Variants in CLNK observed in about 807,000 individuals in gnomAD.
The protein encoded by CLNK is cytokine-dependent hematopoietic cell linker.
CLNK carries 74 observed loss-of-function variants against 68.6 expected under a neutral mutation model. The ratio of observed to expected loss-of-function variants is 1.08; its 90% confidence interval spans 0.89 to 1.31. The LOEUF (loss-of-function observed/expected upper bound fraction) is 1.31, where lower values mean the gene tolerates loss of function less well. Ranked by LOEUF, CLNK falls within the 50% of genes most tolerant of loss-of-function variation. The probability of loss-of-function intolerance (pLI) is 0.00; values close to 1 mark genes in which losing one functional copy is unlikely to be tolerated. For synonymous variants in CLNK, 198 were observed against 172.2 expected (o/e 1.15, Z -1.17); for missense variants, 553 against 515.3 (o/e 1.07, Z -0.71).
At chr4:10,491,007 C>T (rs1232975172) in intron 18 of CLNK, among the ~76,000 whole-genome samples, 1 of 152,184 alleles carries the variant, frequency 6.6e-6, no homozygotes, top group Non-Finnish European at 1.5e-5. Flanking sequence ...TCAGGTGATC[C>T]ACCCGCCTCG....
chr4:10,560,584 C>T (rs1297888833), intron 7 of CLNK, among the ~76,000 whole-genome samples: 1 of 152,014 alleles, frequency 6.6e-6, no homozygotes, highest in African/African-American at 2.4e-5. Flanking sequence ...GCTGGGACTA[C>T]AGGCGTGCGT....
intron 8 of CLNK, among the ~76,000 whole-genome samples, chr4:10,545,506 C>T (rs1195812900): frequency 6.6e-6 from 1 of 152,074 alleles, no homozygotes; most frequent in Non-Finnish European, 1.5e-5. Flanking sequence ...CTTAGTCCAC[C>T]CAGCTCTCCC....
chr4:10,707,295 C>T, the CLNK span, among the ~76,000 whole-genome samples: 2 of 152,330 alleles, frequency 1.3e-5, no homozygotes, highest in South Asian at 4.1e-4. Context: ...TGATTACATT[C>T]AAAGCTGTTC....
chr4:10,545,398 A>AT (rs201017115), intron 8 of CLNK, among the ~76,000 whole-genome samples: 4 of 151,778 alleles, frequency 2.6e-5, no homozygotes, highest in East Asian at 1.9e-4. Context: ...TTCCAGAATA[A>AT]TTTTTTTTTG....
chr4:10,536,180 G>T (rs745446007), intron 11 of CLNK, among the ~76,000 whole-genome samples: 4 of 152,170 alleles, frequency 2.6e-5, no homozygotes, highest in Non-Finnish European at 5.9e-5. Context: ...GCCTACCATT[G>T]ATACAGTTGA....
intron 1 of CLNK, among the ~76,000 whole-genome samples, chr4:10,676,838 C>T (rs1019353337): frequency 1.3e-5 from 2 of 151,684 alleles, no homozygotes; most frequent in African/African-American, 2.4e-5. Context: ...TTCTTTGGCT[C>T]TTCCTTCTCT....
chr4:10,725,645 A>G, the CLNK span, among the ~76,000 whole-genome samples: 1 of 152,274 alleles, frequency 6.6e-6, no homozygotes, highest in South Asian at 2.1e-4. Flanking sequence ...CAAGGTCAGG[A>G]GATCGAGACC....
intron 2 of CLNK, among the ~76,000 whole-genome samples, chr4:10,656,843 T>A (rs1158958111): frequency 6.6e-6 from 1 of 152,176 alleles, no homozygotes; most frequent in Admixed American, 6.5e-5. Flanking sequence ...TAAATGGTAT[T>A]ATATGCACAT....
the CLNK span, among the ~76,000 whole-genome samples, chr4:10,699,493 T>TATATATATATA: frequency 2.1e-5 from 1 of 46,830 alleles, no homozygotes; most frequent in African/African-American, 9.7e-5. Flanking sequence ...TCTCTCTCTC[T>TATATATATATA]CTATATATAT....
intron 1 of CLNK, among the ~76,000 whole-genome samples, chr4:10,682,419 C>A (rs1388012453): frequency 6.6e-6 from 1 of 152,116 alleles, no homozygotes; most frequent in Non-Finnish European, 1.5e-5. Context: ...GCTCCATGTA[C>A]TAGGATTCAG....
At chr4:10,697,668 G>A in the CLNK span, 1 of 152,202 alleles carries the variant, frequency 6.6e-6, no homozygotes, top group Non-Finnish European at 1.5e-5. Flanking sequence ...GACGGCCACT[G>A]GGTGTGTAGA....
chr4:10,705,549 A>G, the CLNK span, among the ~76,000 whole-genome samples: 1 of 152,046 alleles, frequency 6.6e-6, no homozygotes, highest in Admixed American at 6.5e-5. Flanking sequence ...CTGGGCTCAT[A>G]GCCTCATCCT....
the CLNK span, among the ~76,000 whole-genome samples, chr4:10,713,133 T>C: frequency 3.3e-5 from 5 of 152,186 alleles, no homozygotes; most frequent in Non-Finnish European, 5.9e-5. Flanking sequence ...TCTCAGTGCA[T>C]TGGCTTTTTT....
intron 12 of CLNK, among the ~76,000 whole-genome samples, chr4:10,530,564 A>G (rs1000821412): frequency 2.6e-5 from 4 of 152,236 alleles, no homozygotes; most frequent in Non-Finnish European, 5.9e-5. Flanking sequence ...CAGAATGCCA[A>G]CTAAAGTTGC....
chr4:10,598,466 G>A (rs969335965), intron 2 of CLNK, among the ~76,000 whole-genome samples: 22 of 152,314 alleles, frequency 1.4e-4, no homozygotes, highest in African/African-American at 4.1e-4. Context: ...GACAGCAACC[G>A]TGAGCCAGGC....
chr4:10,699,488 C>CTATA, the CLNK span, among the ~76,000 whole-genome samples: 6 of 55,032 alleles, frequency 1.1e-4, no homozygotes, highest in Admixed American at 4.3e-4. Flanking sequence ...CTCTCTCTCT[C>CTATA]TCTCTCTATA....
At chr4:10,697,634 A>G in the CLNK span, 8 of 152,212 alleles carry the variant, frequency 5.3e-5, no homozygotes, top group African/African-American at 1.9e-4. Flanking sequence ...TTCTCATGCC[A>G]GAGTAGACTC....
chr4:10,698,224 A>G, the CLNK span, among the ~76,000 whole-genome samples: 1 of 152,120 alleles, frequency 6.6e-6, no homozygotes, highest in South Asian at 2.1e-4. Flanking sequence ...ATTTTACACT[A>G]GATAACATTA....
the CLNK span, among the ~76,000 whole-genome samples, chr4:10,716,686 C>CTTTTTTTTTTTTTTTTTTTTTTTTTTTTT: frequency 7.5e-6 from 1 of 132,922 alleles, no homozygotes. Flanking sequence ...AGACAGAAAA[C>CTTTTTTTTTTTTTTTTTTTTTTTTTTTTT]TTTTTTTTTT....
Sources: gnomAD v4.1 joint callset for allele counts (sites outside exome capture counted in the v4.1 genomes callset) on GRCh38, gnomAD v4.1.1 for gene constraint, MANE v1.5 for transcripts, NCBI Gene and HGNC (gene_info 2026-07-23, HGNC 2026-07-21) for gene names.